The following RPH3AL variants were observed in gnomAD, a reference collection of about 807,000 sequenced individuals.
RPH3AL encodes the protein rabphilin 3A like (without C2 domains), also known as rab effector Noc2.
In RPH3AL, 38 loss-of-function variants were observed where a neutral mutation model predicts 43.1. The ratio of observed to expected loss-of-function variants is 0.88; its 90% CI spans 0.68 to 1.15. RPH3AL has a LOEUF of 1.15. RPH3AL is among the 50% of genes most tolerant of loss of function. RPH3AL has a pLI of 0.00. For synonymous variants in RPH3AL, 189 were observed against 176.3 expected, an observed-to-expected ratio of 1.07 and a Z score of -0.57; for missense variants, 462 against 423.2, an observed-to-expected ratio of 1.09 and a Z score of -0.81.
chr17:235,522 C>G (rs112288355), intron 7 of RPH3AL, among the ~76,000 whole-genome samples: 1 of 139,912 alleles, frequency 7.1e-6, no homozygotes, highest in African/African-American at 2.7e-5. Context: ...CTGGGGTCGG[C>G]GGAGGCTCCA....
chr17:339,416 C>A (rs904986676), intron 1 of RPH3AL: 1 of 152,198 alleles, frequency 6.6e-6, no homozygotes, highest in African/African-American at 2.4e-5. Context: ...AGGAGGGGCC[C>A]CCAAGTTAAC....
chr17:243,038 A>C (rs1164301462), intron 7 of RPH3AL, among the ~76,000 whole-genome samples: 2 of 109,900 alleles, frequency 1.8e-5, no homozygotes, highest in African/African-American at 7.5e-5. Flanking sequence ...TCTATTGAAT[A>C]CCATCCTCTA....
At chr17:279,024 G>A (rs563080555) in intron 6 of RPH3AL, among the ~76,000 whole-genome samples, 1 of 152,314 alleles carries the variant, frequency 6.6e-6, no homozygotes, top group South Asian at 2.1e-4. Flanking sequence ...AATGCTCCAA[G>A]AGTTTTCATC....
chr17:233,846 C>T (rs1488493401), intron 7 of RPH3AL, among the ~76,000 whole-genome samples: 1 of 139,516 alleles, frequency 7.2e-6, no homozygotes, highest in African/African-American at 2.9e-5. Context: ...CTTCCCCTGA[C>T]CAACTTCCCT....
intron 6 of RPH3AL, among the ~76,000 whole-genome samples, chr17:273,043 C>T (rs1303942885): frequency 8.6e-4 from 90 of 104,254 alleles, no homozygotes; most frequent in Middle Eastern, 5.3e-3. Flanking sequence ...GCGAGGGCGA[C>T]GTCAGGGAGA....
At chr17:262,553 A>T (rs890655080) in intron 6 of RPH3AL, among the ~76,000 whole-genome samples, 2 of 151,582 alleles carry the variant, frequency 1.3e-5, no homozygotes, top group African/African-American at 2.4e-5. Context: ...AGCCAGGTGC[A>T]GCGGCTCACG....
At position 324,883 on chromosome 17, in the gene RPH3AL, A is replaced by G. The variant is rs190871994; in HGVS notation, c.77+2584T>C. ...TGGGATCACAGGCATGTGCCACTAC[A>G]CCCGGCTAATTTTTTGTATTTTTAG... On this transcript the variant is annotated intron_variant, in intron 3 of 9. Transcript: ENST00000331302. Among the ~76,000 whole-genome samples, 183 of 151,648 alleles carry G rather than the reference A, an allele frequency of 1.2e-3. 1 individual carries two copies. The highest frequency in any genetic ancestry group is 4.0e-3 in the African/African-American group (165 of 41,324).
chr17:348,063 A>G (rs2045276385), intron 1 of RPH3AL, among the ~76,000 whole-genome samples: 1 of 147,862 alleles, frequency 6.8e-6, no homozygotes, highest in Non-Finnish European at 1.5e-5. Context: ...CACCCTGCCT[A>G]TGGGGCAACC....
chr17:317,074 A>C (rs1224500973), intron 5 of RPH3AL, among the ~76,000 whole-genome samples: 1 of 92,154 alleles, frequency 1.1e-5, no homozygotes, highest in East Asian at 2.9e-4. Flanking sequence ...ACTGACCTGT[A>C]GTCTCTGTGC....
chr17:338,817 C>T (rs1222418288), intron 1 of RPH3AL: 1 of 152,246 alleles, frequency 6.6e-6, no homozygotes, highest in African/African-American at 2.4e-5. Context: ...GAAACCTCTC[C>T]ATGAAGCAGA....
chr17:216,816 C>G (rs748201639), intron 8 of RPH3AL, among the ~76,000 whole-genome samples: 1 of 152,144 alleles, frequency 6.6e-6, no homozygotes, highest in African/African-American at 2.4e-5. Flanking sequence ...CATCAGGGCT[C>G]TGTGGAAAGA....
Position 281,827 on chromosome 17 carries a change from C to T in RPH3AL, c.379G>A (p.Ala127Thr). The T allele has an allele frequency of 6.2e-7, 1 of 1,613,924 alleles. No individual in the cohort carries two copies. Among genetic ancestry groups the T allele is most frequent in the Non-Finnish European group, 8.5e-7 (1 of 1,179,970 alleles). Residue 127 changes from alanine to threonine, a missense_variant, in exon 6 of 10, where the codon GCC becomes ACC. By Grantham distance (58) the Ala-to-Thr change is moderately conservative. Transcript: ENST00000331302. Reference sequence around the variant, plus strand: ...AGGGGCCGCTTCTGGCCAGGGGAGGCCTCGATCCCACATTTGGTGCAGACT... The same window carrying T: ...AGGGGCCGCTTCTGGCCAGGGGAGGTCTCGATCCCACATTTGGTGCAGACT... The part of the protein sequence containing the change: ...KKVCTKCGIE[A>T]SPGQKRPLWL...
At chr17:250,210 G>A (rs2041862600) in intron 6 of RPH3AL, among the ~76,000 whole-genome samples, 1 of 138,330 alleles carries the variant, frequency 7.2e-6, no homozygotes, top group South Asian at 2.4e-4. Flanking sequence ...ACCTCTCAGA[G>A]CCTAAGCTCT....
intron 5 of RPH3AL, among the ~76,000 whole-genome samples, chr17:310,997 G>A (rs919579457): frequency 2.0e-5 from 3 of 152,064 alleles, no homozygotes; most frequent in Non-Finnish European, 4.4e-5. Context: ...CTGCTCAAAC[G>A]CAGTTCATCT....
At chr17:302,264 G>A (rs2043348109) in intron 5 of RPH3AL, among the ~76,000 whole-genome samples, 1 of 152,136 alleles carries the variant, frequency 6.6e-6, no homozygotes, top group African/African-American at 2.4e-5. Context: ...TCACTGGAAG[G>A]CCAGAGAGGG....
intron 5 of RPH3AL, among the ~76,000 whole-genome samples, chr17:292,489 G>A (rs946037636): frequency 2.0e-5 from 3 of 152,228 alleles, no homozygotes; most frequent in Non-Finnish European, 2.9e-5. Flanking sequence ...GCCCTATGGG[G>A]TGGGTATGAC....
intron 5 of RPH3AL, among the ~76,000 whole-genome samples, chr17:306,024 A>ATTT (rs71143496): frequency 6.4e-5 from 9 of 139,544 alleles, no homozygotes; most frequent in African/African-American, 1.1e-4. Context: ...ATGCCCAGCT[A>ATTT]TTTTTTTTTT....
At chr17:286,911 CCT>C (rs748817926) in intron 5 of RPH3AL, among the ~76,000 whole-genome samples, 24 of 119,216 alleles carry the variant, frequency 2.0e-4, no homozygotes, top group South Asian at 2.8e-4. Flanking sequence ...GACCTCGCAC[CCT>C]CTCTCTCCAC....
intron 3 of RPH3AL, among the ~76,000 whole-genome samples, chr17:324,730 TC>T (rs2044575793): frequency 6.6e-6 from 1 of 152,044 alleles, no homozygotes; most frequent in Non-Finnish European, 1.5e-5. Flanking sequence ...TATCTATCTA[TC>T]TATGTCTATT....
Sources: gnomAD v4.1 joint callset for allele counts (sites outside exome capture counted in the v4.1 genomes callset) on GRCh38, gnomAD v4.1.1 for gene constraint, MANE v1.5 for transcripts, NCBI Gene and HGNC (gene_info 2026-07-23, HGNC 2026-07-21) for gene names.